Variants in RBFOX1 observed in about 807,000 individuals in gnomAD.
RBFOX1 encodes the protein RNA binding protein fox-1 homolog 1.
In RBFOX1, 8 loss-of-function variants were observed where a neutral mutation model predicts 57.7. The ratio of observed to expected loss-of-function variants is 0.14; its 90% confidence interval spans 0.08 to 0.25. The LOEUF is 0.25. Ranked by LOEUF, RBFOX1 falls within the 10% of genes least tolerant of loss-of-function variation. The probability of loss-of-function intolerance (pLI) is 1.00; values close to 1 mark genes in which losing one functional copy is unlikely to be tolerated. For missense variants in RBFOX1, 611 were observed against 548.5 expected, an observed-to-expected ratio of 1.11 and a Z score of -1.14; for synonymous variants, 326 against 222.4, an observed-to-expected ratio of 1.47 and a Z score of -4.15.
intron 2 of RBFOX1, among the ~76,000 whole-genome samples, chr16:6,436,054 C>T (rs1488248024): frequency 6.6e-6 from 1 of 152,092 alleles, no homozygotes; most frequent in African/African-American, 2.4e-5. Context: ...ATTTTCAACA[C>T]ATTGGAGAAA....
chr16:6,941,251 CCCTCCCTCCCATTT>C lies in RBFOX1; in HGVS notation c.-15-110801_-15-110788del, dbSNP rs1048269946. Among the ~76,000 whole-genome samples the C allele has an allele frequency of 1.0e-4, 11 of 110,414 alleles. No homozygotes were observed. The South Asian group carries it at 3.9e-3, about 39-fold the overall frequency. 72.4% of individuals were successfully genotyped at this position (110,414 alleles called of 152,430 possible). ...CTCCCTCCCTCCATCCCCTCCCATTCCCTCCCTCCCATTTCCTCTCTCCCTCCCTTCCCTCCTTC... is the reference window on the plus strand; with the variant it reads ...CTCCCTCCCTCCATCCCCTCCCATTCCCTCTCTCCCTCCCTTCCCTCCTTC... On this transcript the variant is annotated intron_variant, in intron 3 of 15. Transcript: ENST00000550418.
chr16:5,390,139 G>A (rs12445237), intron 1 of RBFOX1, among the ~76,000 whole-genome samples: 62,105 of 151,938 alleles, frequency 0.41, 13,055 homozygotes, highest in Non-Finnish European at 0.45. Context: ...TGATGAAGTC[G>A]CACCCAGGTT....
At chr16:5,356,286 C>T (rs1004254402) in intron 1 of RBFOX1, among the ~76,000 whole-genome samples, 3 of 152,136 alleles carry the variant, frequency 2.0e-5, no homozygotes, top group African/African-American at 7.2e-5. Flanking sequence ...CGTGATGACA[C>T]CTTGATTTTG....
intron 1 of RBFOX1, among the ~76,000 whole-genome samples, chr16:6,146,374 G>A (rs1316971302): frequency 6.6e-6 from 1 of 152,200 alleles, no homozygotes; most frequent in Non-Finnish European, 1.5e-5. Flanking sequence ...CTCCAAAATT[G>A]TAGATCAGCT....
intron 3 of RBFOX1, among the ~76,000 whole-genome samples, chr16:5,685,747 G>A (rs1297933757): frequency 2.0e-5 from 3 of 152,166 alleles, no homozygotes; most frequent in Non-Finnish European, 2.9e-5. Flanking sequence ...TGGGCTGACA[G>A]GATTGTAGGT....
chr16:6,570,352 C>G (rs1160587708), intron 2 of RBFOX1, among the ~76,000 whole-genome samples: 12 of 152,126 alleles, frequency 7.9e-5, no homozygotes, highest in Non-Finnish European at 1.8e-4. Flanking sequence ...TTCCAGGCCC[C>G]TCCTGGAACA....
intron 4 of RBFOX1, among the ~76,000 whole-genome samples, chr16:7,191,978 C>T (rs1019966939): frequency 6.6e-6 from 1 of 152,200 alleles, no homozygotes; most frequent in South Asian, 2.1e-4. Flanking sequence ...AGGAGGGCTG[C>T]ACAAACGGCC....
chr16:6,250,741 T>A (rs1190886118), intron 1 of RBFOX1, among the ~76,000 whole-genome samples: 1 of 152,146 alleles, frequency 6.6e-6, no homozygotes, highest in African/African-American at 2.4e-5. Flanking sequence ...CCAGGGCACT[T>A]CCCAGCTTGA....
intron 4 of RBFOX1, among the ~76,000 whole-genome samples, chr16:7,495,516 C>G (rs1045320811): frequency 6.6e-6 from 1 of 152,174 alleles, no homozygotes; most frequent in Non-Finnish European, 1.5e-5. Flanking sequence ...GGCATTTTGA[C>G]TGGTGCGAGA....
intron 2 of RBFOX1, among the ~76,000 whole-genome samples, chr16:5,483,545 T>C (rs1465586464): frequency 6.6e-6 from 1 of 152,192 alleles, no homozygotes; most frequent in Admixed American, 6.5e-5. Context: ...TTCCTGTCTA[T>C]CCCAGCCACC....
At chr16:5,534,348 T>G (rs547697376) in intron 2 of RBFOX1, among the ~76,000 whole-genome samples, 2 of 152,006 alleles carry the variant, frequency 1.3e-5, no homozygotes, top group African/African-American at 4.8e-5. Context: ...GAAAGTGAAG[T>G]CCCCCAATAG....
chr16:7,244,718 G>C (rs1785922610), intron 4 of RBFOX1, among the ~76,000 whole-genome samples: 1 of 152,154 alleles, frequency 6.6e-6, no homozygotes, highest in Non-Finnish European at 1.5e-5. Flanking sequence ...TTCCAATATT[G>C]TGTAGTGTGT....
chr16:5,371,073 A>G (rs1400505521), intron 1 of RBFOX1, among the ~76,000 whole-genome samples: 3 of 152,142 alleles, frequency 2.0e-5, no homozygotes, highest in Non-Finnish European at 2.9e-5. Context: ...TTAGCCTCCC[A>G]AGTAGCTGGG....
intron 4 of RBFOX1, among the ~76,000 whole-genome samples, chr16:6,012,104 A>G (rs1023376814): frequency 1.3e-5 from 2 of 152,176 alleles, no homozygotes; most frequent in African/African-American, 4.8e-5. Flanking sequence ...TCTCCCGACA[A>G]TGCTGGTTGA....
In RBFOX1 at chr16:6,723,525, A is replaced by C. The variant is rs376967487; in HGVS notation, c.-16+68875A>C. 1.2e-4 allele frequency among the ~76,000 whole-genome samples: 19 copies of C among 152,324 alleles called. No homozygotes were observed. The South Asian group carries it at 3.7e-3, about 30-fold the overall frequency. On this transcript the variant is annotated intron_variant, in intron 3 of 15. Coordinates refer to ENST00000550418, the MANE Select transcript of RBFOX1 (RefSeq NM_018723.4). The stretch of plus-strand genomic sequence containing the variant: ...AATTATAGATTGTGTTTGTATGTGC[A>C]TAACATTTCTGGAAGGTTCTAACAC...
At chr16:6,386,154 C>G (rs2092265092) in intron 2 of RBFOX1, among the ~76,000 whole-genome samples, 1 of 152,148 alleles carries the variant, frequency 6.6e-6, no homozygotes, top group Non-Finnish European at 1.5e-5. Context: ...TCAGGATGGT[C>G]TCGATGTCCT....
At chr16:5,549,170 C>A (rs1182314606) in intron 2 of RBFOX1, among the ~76,000 whole-genome samples, 1 of 152,166 alleles carries the variant, frequency 6.6e-6, no homozygotes, top group African/African-American at 2.4e-5. Flanking sequence ...GATGGTTGTT[C>A]CTGAGGCAGC....
chr16:5,791,837 C>T (rs2054709395), intron 3 of RBFOX1, among the ~76,000 whole-genome samples: 1 of 152,186 alleles, frequency 6.6e-6, no homozygotes, highest in African/African-American at 2.4e-5. Context: ...CCACTTTGCT[C>T]TCTGGAAATA....
chr16:6,887,064 C>G (rs1427585911), intron 3 of RBFOX1, among the ~76,000 whole-genome samples: 3 of 151,968 alleles, frequency 2.0e-5, no homozygotes, highest in Non-Finnish European at 1.5e-5. Flanking sequence ...TTGTATTGTC[C>G]AAGTTGGATT....
Sources: gnomAD v4.1 joint callset for allele counts (sites outside exome capture counted in the v4.1 genomes callset) on GRCh38, gnomAD v4.1.1 for gene constraint, MANE v1.5 for transcripts, NCBI Gene and HGNC (gene_info 2026-07-23, HGNC 2026-07-21) for gene names.